Variants in MZT2B observed in about 807,000 individuals in gnomAD.
MZT2B encodes mitotic spindle organizing protein 2B.
In MZT2B, 11 loss-of-function variants were observed where a neutral mutation model predicts 12.1. That is an observed-to-expected ratio of 0.91 (90% CI 0.57 to 1.50). MZT2B has a LOEUF of 1.50. Among genes scored for constraint, MZT2B ranks in the 40% most tolerant of loss-of-function variants. The pLI, the probability that MZT2B is intolerant of heterozygous loss-of-function variation, is 0.00. For missense variants in MZT2B, 209 were observed against 227.7 expected, an observed-to-expected ratio of 0.92 and a Z score of 0.53; for synonymous variants, 85 against 109.5, an observed-to-expected ratio of 0.78 and a Z score of 1.40.
chr2:130,201,155 A>C, the MZT2B span, among the ~76,000 whole-genome samples: 2 of 152,230 alleles, frequency 1.3e-5, no homozygotes, highest in Non-Finnish European at 1.5e-5. Context: ...TGAACAGTGC[A>C]ATCAGGTCTT....
chr2:130,183,688 C>A, intron 2 of MZT2B: 1 of 1,546,792 alleles, frequency 6.5e-7, no homozygotes, highest in Non-Finnish European at 8.7e-7. Flanking sequence ...GCCTGGGCAC[C>A]CACACCCGCT....
At chr2:130,191,696 T>C, downstream of MZT2B, 1 of 1,457,978 alleles carries the variant, frequency 6.9e-7, no homozygotes, top group Non-Finnish European at 9.1e-7. Context: ...GGCTCTGGGG[T>C]CCCACCAGCT....
downstream of MZT2B, among the ~76,000 whole-genome samples, chr2:130,193,274 T>C (rs1258100707): frequency 6.6e-6 from 1 of 151,040 alleles, no homozygotes; most frequent in East Asian, 2.0e-4. Flanking sequence ...TAAATAAAGC[T>C]CACCACAGAT....
the MZT2B span, among the ~76,000 whole-genome samples, chr2:130,201,345 T>C: frequency 1.3e-5 from 2 of 152,178 alleles, no homozygotes; most frequent in African/African-American, 4.8e-5. Context: ...GGTTTTATTT[T>C]CTCACAGTTC....
downstream of MZT2B, chr2:130,195,170 C>T: frequency 6.2e-7 from 1 of 1,613,930 alleles, no homozygotes; most frequent in Non-Finnish European, 8.5e-7. Flanking sequence ...ATCTTCCTTC[C>T]CGGTGATCAG....
chr2:130,183,014 C>T (rs1315389299), intron 2 of MZT2B: 2 of 673,042 alleles, frequency 3.0e-6, no homozygotes, highest in East Asian at 5.9e-5. Flanking sequence ...CTGGGTAGGG[C>T]TCCTCCGCTT....
the MZT2B span, among the ~76,000 whole-genome samples, chr2:130,203,704 C>T: frequency 6.6e-6 from 1 of 152,118 alleles, no homozygotes; most frequent in Non-Finnish European, 1.5e-5. Context: ...CCACCTCAGC[C>T]TCCCAAAGTG....
the MZT2B span, among the ~76,000 whole-genome samples, chr2:130,201,442 A>G: frequency 6.6e-6 from 1 of 152,178 alleles, no homozygotes; most frequent in Non-Finnish European, 1.5e-5. Flanking sequence ...GGTAGCATCC[A>G]AGCGCTCTGG....
At chr2:130,202,758 C>A in the MZT2B span, among the ~76,000 whole-genome samples, 1 of 152,174 alleles carries the variant, frequency 6.6e-6, no homozygotes, top group Non-Finnish European at 1.5e-5. Context: ...TCCCCCAGCC[C>A]CGCCCATTCT....
the MZT2B span, chr2:130,204,019 T>C: frequency 5.9e-4 from 197 of 336,156 alleles, no homozygotes; most frequent in African/African-American, 3.8e-3. Context: ...ACAGGGCTTT[T>C]TCCAAGCAGG....
chr2:130,192,610 G>A (rs530031098), downstream of MZT2B, among the ~76,000 whole-genome samples: 35 of 152,314 alleles, frequency 2.3e-4, no homozygotes, highest in African/African-American at 7.2e-4. Flanking sequence ...AGAGTCATAT[G>A]AATGCTGCTA....
At chr2:130,201,446 G>A in the MZT2B span, among the ~76,000 whole-genome samples, 6 of 151,958 alleles carry the variant, frequency 3.9e-5, no homozygotes, top group Non-Finnish European at 8.8e-5. Context: ...GCATCCAAGC[G>A]CTCTGGTCTC....
chr2:130,193,565 C>T (rs942798024), downstream of MZT2B, among the ~76,000 whole-genome samples: 4 of 147,516 alleles, frequency 2.7e-5, no homozygotes, highest in African/African-American at 5.0e-5. Context: ...GCTGAGATCG[C>T]ACCACTGCAC....
At chr2:130,204,051 T>C in the MZT2B span, 7 of 536,852 alleles carry the variant, frequency 1.3e-5, no homozygotes, top group Admixed American at 3.7e-5. Context: ...ATCTGTGGCT[T>C]TAATCTGTAA....
In MZT2B at chr2:130,190,686, A is replaced by G. The variant is rs774843094; in HGVS notation, c.*60A>G. On this transcript the variant is annotated 3_prime_UTR_variant, in exon 3 of 3. Coordinates refer to ENST00000281871, the MANE Select transcript of MZT2B (RefSeq NM_025029.5). ...GCAAAGGCTACATGTTACCTCCTTC[A>G]ATTGATAATAAACCTTTCTGAGATG... 10 of 1,553,608 alleles carry G rather than the reference A, an allele frequency of 6.4e-6. No individual in the cohort carries two copies. In the Admixed American group the frequency reaches 1.9e-4, roughly 30 times the overall value.
chr2:130,184,523 C>T, intron 2 of MZT2B: 1 of 985,410 alleles, frequency 1.0e-6, no homozygotes, highest in South Asian at 4.7e-5. Flanking sequence ...GGGCTCAGAG[C>T]CAGGGTCCTG....
intron 2 of MZT2B, among the ~76,000 whole-genome samples, chr2:130,187,958 C>T (rs1690120678): frequency 6.6e-6 from 1 of 151,968 alleles, no homozygotes; most frequent in South Asian, 2.1e-4. Flanking sequence ...GCAGGAAGAT[C>T]CCTCCAGGCC....
upstream of MZT2B, chr2:130,182,221 T>C (rs879176358): frequency 2.1e-4 from 252 of 1,228,622 alleles, no homozygotes; most frequent in African/African-American, 1.6e-3. Context: ...AGGGAGAGGG[T>C]GGTGGGCGCA....
chr2:130,198,519 G>A, the MZT2B span: 1 of 892,960 alleles, frequency 1.1e-6, no homozygotes, highest in Non-Finnish European at 1.6e-6. Context: ...GAGGCAGGCC[G>A]AGGGCCGGAT....
Sources: allele counts gnomAD v4.1 joint callset (sites outside exome capture counted in the v4.1 genomes callset), GRCh38; gene constraint gnomAD v4.1.1; transcripts MANE v1.5; gene names NCBI Gene and HGNC (gene_info 2026-07-23, HGNC 2026-07-21).